TNC: variants seen among roughly 807,000 people sequenced by gnomAD.
TNC encodes tenascin.
Under a neutral mutation model 202.4 loss-of-function variants are expected in TNC, and 109 were observed. The observed-to-expected ratio is 0.54, with a 90% CI of 0.46 to 0.63. The LOEUF (loss-of-function observed/expected upper bound fraction) is 0.63. Ranked by LOEUF, TNC falls within the 30% of genes least tolerant of loss-of-function variation. TNC has a pLI of 0.00. For synonymous variants in TNC, 1,007 were observed against 1,089.7 expected, an observed-to-expected ratio of 0.92 and a Z score of 1.50; for missense variants, 2,756 against 2,833.3, an observed-to-expected ratio of 0.97 and a Z score of 0.62.
At chr9:115,090,109 G>A (rs1835105673) in intron 2 of TNC, among the ~76,000 whole-genome samples, 1 of 152,090 alleles carries the variant, frequency 6.6e-6, no homozygotes, top group South Asian at 2.1e-4. Context: ...ACTCCTTATT[G>A]GAGGACCTTC....
Position 115,111,071 on chromosome 9 carries a change from G to A in TNC, c.-137+6911C>T, listed in dbSNP as rs185676872. ...ATTTTTTGTATTTTTAGTAGAGACG[G>A]GGTTTCACCATGGTCTCGATCAATT... On this transcript the variant is annotated intron_variant, in intron 1 of 27. Transcript: ENST00000350763. Among the ~76,000 whole-genome samples the A allele has an allele frequency of 4.0e-3, 616 of 152,110 alleles. 1 individual carries two copies. Among genetic ancestry groups the A allele is most frequent in the South Asian group, 0.012 (60 of 4,806 alleles).
intron 16 of TNC, 87 bp downstream of exon 16, chr9:115,048,173 A>G (rs1831351684): frequency 6.7e-7 from 1 of 1,481,566 alleles, no homozygotes; most frequent in South Asian, 1.3e-5. Context: ...ATGTGAACAA[A>G]GATGTTAAAG....
At chr9:115,098,626 T>C (rs1449267307) in intron 1 of TNC, among the ~76,000 whole-genome samples, 2 of 152,372 alleles carry the variant, frequency 1.3e-5, no homozygotes, top group East Asian at 3.9e-4. Flanking sequence ...TATATTTATC[T>C]TGTTGACTTA....
chr9:115,035,283 G>A lies in TNC; in HGVS notation c.5708C>T (p.Ala1903Val), dbSNP rs1220118170. Residue 1903 changes from alanine (A) to valine (V), a missense_variant, in exon 22 of 28, where the codon GCC (alanine) becomes GTC (valine). By Grantham distance (64) the Ala-to-Val change is moderately conservative (BLOSUM62 0). Around this residue, in one of 2 missense-constraint regions of TNC, gnomAD observed 2,559 missense variants for 2,546.0 expected, o/e 1.01. Transcript: ENST00000350763. ...CCGGGGGGGTCGCCAGGTAAGGAGG[G>A]CAGTTTCCGACTGAACCTCAGTAGC... Reference protein sequence around the residue: ...LTATEVQSETALLTWRPPRAS... With the variant: ...LTATEVQSETVLLTWRPPRAS... 1 of 1,613,564 alleles carries A rather than the reference G, an allele frequency of 6.2e-7. No homozygotes were observed. Among genetic ancestry groups the A allele is most frequent in the South Asian group, 1.1e-5 (1 of 90,984 alleles).
At chr9:115,092,220 A>C in intron 1 of TNC, among the ~76,000 whole-genome samples, 1 of 152,214 alleles carries the variant, frequency 6.6e-6, no homozygotes, top group East Asian at 1.9e-4. Flanking sequence ...GCTTATGGGA[A>C]AGGGAGGGTA....
At chr9:115,047,373 A>T (rs1831286297) in intron 16 of TNC, among the ~76,000 whole-genome samples, 1 of 151,950 alleles carries the variant, frequency 6.6e-6, no homozygotes, top group Non-Finnish European at 1.5e-5. Flanking sequence ...CATTGCCTTA[A>T]CTAGACAAAA....
chr9:115,095,899 C>A (rs1035673536), intron 1 of TNC, among the ~76,000 whole-genome samples: 13 of 151,570 alleles, frequency 8.6e-5, no homozygotes, highest in Admixed American at 2.0e-4. Context: ...TCAATGATTG[C>A]AAAGAAGGGA....
At chr9:115,061,626 T>C (rs1180329632) in intron 13 of TNC, among the ~76,000 whole-genome samples, 2 of 152,184 alleles carry the variant, frequency 1.3e-5, no homozygotes, top group Non-Finnish European at 2.9e-5. Flanking sequence ...AGTTTATCTG[T>C]TATATAAGAG....
Position 115,076,010 on chromosome 9 carries a change from G to A in TNC, c.2950+22C>T, listed in dbSNP as rs763797250. ...CTGCCCAGCACCAGCTCAGTGGGAT[G>A]GGAATTCCAGGTGTGCCCCACCTGT... On this transcript the variant is annotated intron_variant, in intron 9 of 27. Transcript: ENST00000350763. 1.4e-5 allele frequency: 23 copies of A among 1,606,360 alleles called. No individual in the cohort carries two copies. In the Middle Eastern group the frequency reaches 4.9e-4, roughly 35 times the overall value.
At chr9:115,054,385 T>C (rs550411895) in intron 15 of TNC, among the ~76,000 whole-genome samples, 1 of 152,344 alleles carries the variant, frequency 6.6e-6, no homozygotes, top group Admixed American at 6.5e-5. Context: ...TTTGCAGCTA[T>C]AGCTTTGACA....
rs763864728 is a variant in TNC at position 115,048,543 on chromosome 9, G to A, written c.4580-11C>T. On this transcript the variant is annotated splice_polypyrimidine_tract_variant and intron_variant, in intron 15 of 27. Transcript: ENST00000350763. ...GAAGGGGCAGGGCCTCTGAAAGAAG[G>A]GAGGAGTGAAAATAACTCAGGTTAG... 5 of 1,605,346 alleles carry A rather than the reference G, an allele frequency of 3.1e-6. No individual in the cohort carries two copies. Among genetic ancestry groups the A allele is most frequent in the Non-Finnish European group, 4.2e-6 (5 of 1,177,030 alleles).
intron 3 of TNC, 65 bp downstream of exon 3, chr9:115,085,799 C>T: frequency 1.4e-6 from 2 of 1,444,494 alleles, no homozygotes; most frequent in Non-Finnish European, 9.3e-7. Flanking sequence ...ACGTAGTTTT[C>T]CAACCCATAC....
Position 115,076,575 on chromosome 9 carries a change from C to G in TNC, c.2675G>C (p.Gly892Ala), listed in dbSNP as rs1833877936. ...SNPAKETFTT[G>A]LDAPRNLRRV... Reference sequence around the variant, plus strand: ...TCGAAGATTCCTGGGAGCATCGAGGCCTGTTTGAGAGAAGGAACATTTGTA... The same window carrying G: ...TCGAAGATTCCTGGGAGCATCGAGGGCTGTTTGAGAGAAGGAACATTTGTA... Residue 892 changes from glycine to alanine, a missense_variant and splice_region_variant, in exon 8 of 28, where the codon GGC becomes GCC. This residue lies in a region of TNC where 2,559 missense variants were observed against 2,546.0 expected (regional missense o/e 1.01). Transcript: ENST00000350763. 1 of 1,614,004 alleles carries G rather than the reference C, an allele frequency of 6.2e-7. No homozygotes were observed. Among genetic ancestry groups the G allele is most frequent in the Non-Finnish European group, 8.5e-7 (1 of 1,179,926 alleles).
intron 10 of TNC, among the ~76,000 whole-genome samples, chr9:115,069,508 G>A (rs1367206956): frequency 6.6e-6 from 1 of 151,552 alleles, no homozygotes; most frequent in Non-Finnish European, 1.5e-5. Flanking sequence ...GAGAGGAGGA[G>A]AGGGAATGAT....
At position 115,086,964 on chromosome 9, in the gene TNC, C is replaced by T; in HGVS notation, c.767G>A (p.Cys256Tyr). 6.2e-7 allele frequency: 1 copy of T among 1,614,236 alleles called. No homozygotes were observed. Among genetic ancestry groups the T allele is most frequent in the Non-Finnish European group, 8.5e-7 (1 of 1,180,052 alleles). ...TACACATGTGCCGTGCTCCTCACTG[C>T]AGGGCACTGGGCAGATTTCACGGCT... The part of the protein sequence containing the change: ...DCSREICPVP[C>Y]SEEHGTCVDG... The change falls in exon 3 of 28, where the codon TGC becomes TAC. Residue 256 changes from cysteine to tyrosine, a missense_variant. Transcript: ENST00000350763.
At chr9:115,108,706 C>T (rs993674701) in intron 1 of TNC, among the ~76,000 whole-genome samples, 1 of 152,172 alleles carries the variant, frequency 6.6e-6, no homozygotes, top group African/African-American at 2.4e-5. Context: ...ACATAATCAC[C>T]AGTGTGACAA....
rs147612786 is a variant in TNC, at chr9:115,078,169, G to A, written c.2448C>T (p.Asp816=). 157 of 1,612,088 alleles carry A rather than the reference G, an allele frequency of 9.7e-5. 1 individual carries two copies. In the Admixed American group the frequency reaches 2.0e-3, roughly 21 times the overall value. ...TGAACCAGGTGATCAAGGCAGTGGT[G>A]TCTGTGACATCTTTCACCTCGATCT... is the stretch of plus-strand genomic sequence containing the variant. ...PSQIEVKDVT[D]TTALITWFKP... is the part of the protein sequence containing the mutation. The change falls in exon 7 of 28, where the codon GAC becomes GAT. Residue 816 remains aspartate, a synonymous_variant. Coordinates refer to ENST00000350763, the MANE Select transcript of TNC (RefSeq NM_002160.4).
At chr9:115,107,451 G>C (rs1329626826) in intron 1 of TNC, among the ~76,000 whole-genome samples, 1 of 152,148 alleles carries the variant, frequency 6.6e-6, no homozygotes, top group Non-Finnish European at 1.5e-5. Flanking sequence ...AGATTGAATT[G>C]AACAATAAGG....
At chr9:115,025,164 A>G (rs1035328160) in intron 26 of TNC, among the ~76,000 whole-genome samples, 2 of 152,234 alleles carry the variant, frequency 1.3e-5, no homozygotes, top group African/African-American at 4.8e-5. Flanking sequence ...AGAGAGGAAC[A>G]GAGGCCACAT....
Sources: gnomAD v4.1 joint callset for allele counts (sites outside exome capture counted in the v4.1 genomes callset) on GRCh38, gnomAD v4.1.1 for gene constraint, gnomAD v4.1.1 regional missense constraint, MANE v1.5 for transcripts, NCBI Gene and HGNC (gene_info 2026-07-23, HGNC 2026-07-21) for gene names.